DZIP1L: variants seen among roughly 807,000 people sequenced by gnomAD.
DZIP1L encodes the protein cilium assembly protein DZIP1L.
DZIP1L carries 90 observed loss-of-function variants against 88.7 expected under a neutral mutation model. The observed-to-expected ratio is 1.02, with a 90% CI of 0.86 to 1.21. The LOEUF (loss-of-function observed/expected upper bound fraction) is 1.21. Among genes scored for constraint, DZIP1L ranks in the 50% most tolerant of loss-of-function variants. The probability of loss-of-function intolerance (pLI) is 0.00; values close to 1 mark genes in which losing one functional copy is unlikely to be tolerated. For missense variants in DZIP1L, 932 were observed against 955.8 expected, an observed-to-expected ratio of 0.98 and a Z score of 0.33; for synonymous variants, 363 against 372.1, an observed-to-expected ratio of 0.98 and a Z score of 0.28.
At chr3:138,091,743 A>T (rs1045805080) in intron 5 of DZIP1L, among the ~76,000 whole-genome samples, 3 of 150,600 alleles carry the variant, frequency 2.0e-5, no homozygotes, top group Admixed American at 6.6e-5. Context: ...TAGCTTTTTT[A>T]AAAAAAAACT....
At chr3:138,089,063 TTTGA>T in intron 5 of DZIP1L, 1 of 985,462 alleles carries the variant, frequency 1.0e-6, no homozygotes, top group South Asian at 4.7e-5. Context: ...TCCACCCACC[TTTGA>T]TTATTTCTTA....
At chr3:138,067,763 AC>A in intron 13 of DZIP1L, 63 bp from the exon 14 acceptor site, 7 of 1,482,298 alleles carry the variant, frequency 4.7e-6, no homozygotes, top group Non-Finnish European at 6.3e-6. Flanking sequence ...CAAAAGCCAA[AC>A]TTCACCACGC....
Position 138,103,716 on chromosome 3 carries a change from C to G in DZIP1L, c.256G>C (p.Val86Leu). Residue 86 changes from valine to leucine, a missense_variant, in exon 2 of 16, where the codon GTG becomes CTG. Val to Leu is a conservative substitution (Grantham distance 32). Coordinates refer to ENST00000327532, the MANE Select transcript of DZIP1L (RefSeq NM_173543.3). ...ATGATGAGCTGCGCCAGGCGCAGCACCTTGAGCAGTGCCGGGTCCACAGGC... is the reference window on the plus strand; with the variant it reads ...ATGATGAGCTGCGCCAGGCGCAGCAGCTTGAGCAGTGCCGGGTCCACAGGC... Reference protein sequence around the residue: ...GQPVDPALLKVLRLAQLIIEY... With the variant: ...GQPVDPALLKLLRLAQLIIEY... 1.2e-6 allele frequency: 2 copies of G among 1,613,432 alleles called. No homozygotes were observed. The highest frequency in any genetic ancestry group is 1.7e-6 in the Non-Finnish European group (2 of 1,180,020).
rs890924178 is a variant in DZIP1L at position 138,062,846 on chromosome 3, G to A, written c.2274C>T (p.Ser758=). The A allele has an allele frequency of 3.1e-6, 5 of 1,614,140 alleles. No individual in the cohort carries two copies. Among genetic ancestry groups the A allele is most frequent in the Admixed American group, 3.3e-5 (2 of 60,030 alleles). ...LPEKFGTGPQ[S]SGQPRVPAW is the part of the protein sequence containing the mutation. ...AGGCAGGGACCCTGGGTTGGCCAGA[G>A]CTCTGTGGACCAGTGCCAAACTTCT... The change falls in exon 16 of 16, where the codon AGC becomes AGT. Residue 758 remains serine (S), a synonymous_variant. Coordinates refer to ENST00000327532, the MANE Select transcript of DZIP1L (RefSeq NM_173543.3).
At chr3:138,089,499 CT>C (rs1297865054) in intron 5 of DZIP1L, among the ~76,000 whole-genome samples, 1 of 152,180 alleles carries the variant, frequency 6.6e-6, no homozygotes, top group African/African-American at 2.4e-5. Context: ...CCAAAGTAAG[CT>C]CTCAGACTTC....
intron 1 of DZIP1L, 140 bp from the exon 2 acceptor site, chr3:138,104,192 G>T: frequency 1.3e-6 from 1 of 790,806 alleles, no homozygotes; most frequent in Non-Finnish European, 1.9e-6. Flanking sequence ...TGCTGACATG[G>T]CCAGAGCTGT....
At position 138,062,565 on chromosome 3, in the gene DZIP1L, G is replaced by T. The variant is rs1169454314; in HGVS notation, c.*251C>A. 17 of 422,588 alleles carry T rather than the reference G, an allele frequency of 4.0e-5. No homozygotes were observed. Among genetic ancestry groups the T allele is most frequent in the East Asian group, 1.4e-4 (4 of 28,850 alleles). The allele number at this position is 422,588 out of a possible 1,614,324, so 26.2% of individuals were successfully genotyped here. On this transcript the variant is annotated 3_prime_UTR_variant, in exon 16 of 16. Transcript: ENST00000327532. ...GGTAGAGGAAGAAAACTACCTGGAG[G>T]TTCTATTTTAACCCTTTCTCAAGCC...
intron 8 of DZIP1L, among the ~76,000 whole-genome samples, chr3:138,083,075 C>G (rs1453095699): frequency 6.6e-6 from 1 of 152,212 alleles, no homozygotes; most frequent in Non-Finnish European, 1.5e-5. Context: ...ATAGACTATT[C>G]TGTTATCTTT....
At position 138,085,365 on chromosome 3, in the gene DZIP1L, A is replaced by G. The variant is rs534163294; in HGVS notation, c.1063-1112T>C. On this transcript the variant is annotated intron_variant, in intron 7 of 15. Coordinates refer to ENST00000327532, the MANE Select transcript of DZIP1L (RefSeq NM_173543.3). ...TTTTTGCAACCTACTCATCTGACAAAGGGCTAATATCTGGAATCTACAATG... is the reference window on the plus strand; with the variant it reads ...TTTTTGCAACCTACTCATCTGACAAGGGGCTAATATCTGGAATCTACAATG... Among the ~76,000 whole-genome samples the G allele has an allele frequency of 5.9e-5, 9 of 152,334 alleles. No individual in the cohort carries two copies. The East Asian group carries it at 1.7e-3, about 29-fold the overall frequency.
At chr3:138,084,030 G>A (rs867889027) in intron 8 of DZIP1L, 83 bp downstream of exon 8, 14 of 1,550,280 alleles carry the variant, frequency 9.0e-6, no homozygotes, top group South Asian at 5.0e-5. Flanking sequence ...TAGCACTGAT[G>A]AGCCCAAAAG....
At chr3:138,110,127 G>T (rs2042593771) in intron 1 of DZIP1L, among the ~76,000 whole-genome samples, 1 of 152,114 alleles carries the variant, frequency 6.6e-6, no homozygotes. Flanking sequence ...TTCGGCTTTT[G>T]TTACCATTGC....
intron 5 of DZIP1L, among the ~76,000 whole-genome samples, chr3:138,091,897 G>T (rs1439020207): frequency 2.0e-5 from 3 of 152,140 alleles, no homozygotes; most frequent in Non-Finnish European, 2.9e-5. Flanking sequence ...TGTGACCTCT[G>T]AAGACCCCAA....
chr3:138,069,281 T>G (rs425938), intron 12 of DZIP1L: 376,954 of 468,462 alleles, frequency 0.8, 153,904 homozygotes, highest in Non-Finnish European at 0.87. Context: ...TTCTTTTCTC[T>G]AGCTTACTTT....
At chr3:138,065,256 A>G (rs1337648804) in intron 14 of DZIP1L, among the ~76,000 whole-genome samples, 2 of 152,232 alleles carry the variant, frequency 1.3e-5, no homozygotes, top group African/African-American at 2.4e-5. Context: ...TGCCTGGCAC[A>G]CCAAGGTAAT....
At chr3:138,089,360 A>C (rs1181049848) in intron 5 of DZIP1L, 1 of 739,624 alleles carries the variant, frequency 1.4e-6, no homozygotes, top group African/African-American at 1.9e-5. Flanking sequence ...GCTGCTTATG[A>C]CACACCACAG....
intron 2 of DZIP1L, among the ~76,000 whole-genome samples, chr3:138,098,881 C>A (rs1944597533): frequency 6.6e-6 from 1 of 152,192 alleles, no homozygotes; most frequent in South Asian, 2.1e-4. Context: ...CACAGTGGCT[C>A]ACACTTAAAA....
At chr3:138,078,495 G>A (rs929914882) in intron 10 of DZIP1L, among the ~76,000 whole-genome samples, 1 of 152,162 alleles carries the variant, frequency 6.6e-6, no homozygotes. Flanking sequence ...GGACCCCAAC[G>A]CTTGATATTT....
intron 12 of DZIP1L, chr3:138,068,931 A>G (rs2107737208): frequency 1.6e-6 from 2 of 1,249,088 alleles, no homozygotes; most frequent in Non-Finnish European, 2.0e-6. Flanking sequence ...GCAAGTTTTT[A>G]TGGGAAGAGA....
chr3:138,067,251 A>G (rs365504), intron 14 of DZIP1L, among the ~76,000 whole-genome samples: 128,706 of 152,164 alleles, frequency 0.85, 54,759 homozygotes, highest in Middle Eastern at 0.9. Flanking sequence ...AAAGGGGTGA[A>G]TGGCTCCCTT....
Sources: allele counts gnomAD v4.1 joint callset (sites outside exome capture counted in the v4.1 genomes callset), GRCh38; gene constraint gnomAD v4.1.1; transcripts MANE v1.5; gene names NCBI Gene and HGNC (gene_info 2026-07-23, HGNC 2026-07-21).